NEK1: variants seen among roughly 807,000 people sequenced by gnomAD.
NEK1 encodes serine/threonine-protein kinase Nek1.
NEK1 carries 137 observed loss-of-function variants against 182.1 expected under a neutral mutation model. The ratio of observed to expected loss-of-function variants is 0.75; its 90% CI spans 0.65 to 0.87. The LOEUF (loss-of-function observed/expected upper bound fraction) is 0.87. Ranked by LOEUF, NEK1 falls within the 40% of genes least tolerant of loss-of-function variation. The pLI, the probability that NEK1 is intolerant of heterozygous loss-of-function variation, is 0.00. For synonymous variants in NEK1, 513 were observed against 492.2 expected (o/e 1.04, Z -0.56); for missense variants, 1,391 against 1,494.4 (o/e 0.93, Z 1.14).
At chr4:169,496,380 T>A (rs1229324123) in intron 23 of NEK1, among the ~76,000 whole-genome samples, 25 of 151,250 alleles carry the variant, frequency 1.7e-4, no homozygotes, top group Non-Finnish European at 3.2e-4. Flanking sequence ...CTTTTCCTAA[T>A]TGAATACCCT....
chr4:169,421,989 G>T (rs572548855), intron 31 of NEK1, among the ~76,000 whole-genome samples: 88 of 152,308 alleles, frequency 5.8e-4, no homozygotes, highest in Middle Eastern at 3.4e-3. Context: ...CAGCAGTGGA[G>T]ACAGAAGAGT....
chr4:169,559,589 T>C (rs1427348280), intron 16 of NEK1, among the ~76,000 whole-genome samples: 2 of 152,240 alleles, frequency 1.3e-5, no homozygotes, highest in African/African-American at 4.8e-5. Flanking sequence ...AACAAACTTT[T>C]ATTCAAATTA....
At chr4:169,524,059 A>C (rs1384159998) in intron 19 of NEK1, among the ~76,000 whole-genome samples, 4 of 152,240 alleles carry the variant, frequency 2.6e-5, no homozygotes, top group Admixed American at 1.3e-4. Flanking sequence ...ATAACCAAGA[A>C]AAACTCTTGC....
chr4:169,548,845 A>G (rs1760956981), intron 18 of NEK1, among the ~76,000 whole-genome samples: 1 of 152,200 alleles, frequency 6.6e-6, no homozygotes, highest in Non-Finnish European at 1.5e-5. Context: ...TCCCAGGTAG[A>G]GTTCAGACTG....
rs551259813 is a variant in NEK1 at position 169,561,751 on chromosome 4, A to G, written c.1141-14T>C. ...TAAACTAATAATCTGTAACAATTTT[A>G]AAGACAAGCTTCTTACAACTCTTGA... On this transcript the variant is annotated splice_polypyrimidine_tract_variant and intron_variant, in intron 14 of 35. Coordinates refer to ENST00000507142, the MANE Select transcript of NEK1 (RefSeq NM_001199397.3). The G allele has an allele frequency of 1.6e-4, 250 of 1,587,420 alleles. 2 individuals carry two copies. In the South Asian group the frequency reaches 2.6e-3, roughly 16 times the overall value.
intron 18 of NEK1, among the ~76,000 whole-genome samples, chr4:169,549,959 T>G (rs1761167918): frequency 2.0e-5 from 3 of 152,186 alleles, no homozygotes; most frequent in Admixed American, 1.3e-4. Context: ...TGATCTCAAG[T>G]GATCTGCCCA....
chr4:169,467,318 T>C (rs900783881), intron 26 of NEK1, among the ~76,000 whole-genome samples: 11 of 152,042 alleles, frequency 7.2e-5, no homozygotes, highest in African/African-American at 2.7e-4. Flanking sequence ...CCAACCCCCG[T>C]ATTATTCAAG....
In NEK1 at chr4:169,430,476, G is replaced by C. The variant is rs536318729; in HGVS notation, c.2885+3069C>G. 2.0e-5 allele frequency among the ~76,000 whole-genome samples: 3 copies of C among 152,120 alleles called. No homozygotes were observed. In the East Asian group the frequency reaches 5.8e-4, roughly 29 times the overall value. ...CTGGGATTACAGGTGTAAGCCACTG[G>C]GCACATACTGCTAAGCAAAAGGGGC... On this transcript the variant is annotated intron_variant, in intron 29 of 35. Transcript: ENST00000507142.
intron 18 of NEK1, among the ~76,000 whole-genome samples, chr4:169,545,088 A>T (rs1760172616): frequency 7.0e-6 from 1 of 141,998 alleles, no homozygotes. Flanking sequence ...GTTTTAGGGT[A>T]CATGTGCACA....
At position 169,479,509 on chromosome 4, in the gene NEK1, G is replaced by C. The variant is rs200169770; in HGVS notation, c.2033C>G (p.Ser678Cys). The C allele has an allele frequency of 1.9e-6, 3 of 1,609,114 alleles. No homozygotes were observed. The highest frequency in any genetic ancestry group is 1.3e-5 in the African/African-American group (1 of 74,782). ...EHLVAKGVKS[S>C]DVSPPLGQHE... is the part of the protein sequence containing the mutation. ...CTGTCCCAAAGGTGGAGAAACATCAGAACTCTTAACTCCTTTAGCCACCAA... is the reference window on the plus strand; with the variant it reads ...CTGTCCCAAAGGTGGAGAAACATCACAACTCTTAACTCCTTTAGCCACCAA... The change falls in exon 24 of 36, where the codon TCT (serine) becomes TGT (cysteine). Residue 678 changes from serine (S) to cysteine (C), a missense_variant. By Grantham distance (112) the Ser-to-Cys change is moderately radical. Around this residue, in one of 5 missense-constraint regions of NEK1, gnomAD observed 1,216 missense variants for 1,277.6 expected, o/e 0.95. Transcript: ENST00000507142.
At chr4:169,437,494 C>T (rs1304183017) in intron 28 of NEK1, among the ~76,000 whole-genome samples, 1 of 152,156 alleles carries the variant, frequency 6.6e-6, no homozygotes, top group African/African-American at 2.4e-5. Flanking sequence ...TGTTTGCCCT[C>T]CCTTTGAATC....
chr4:169,487,077 A>G (rs970084301), intron 23 of NEK1, among the ~76,000 whole-genome samples: 3 of 152,206 alleles, frequency 2.0e-5, no homozygotes, highest in African/African-American at 7.2e-5. Flanking sequence ...TACAATTTTT[A>G]TCATTAAATA....
intron 35 of NEK1, among the ~76,000 whole-genome samples, chr4:169,397,882 C>T (rs989543304): frequency 6.6e-6 from 1 of 152,116 alleles, no homozygotes; most frequent in Non-Finnish European, 1.5e-5. Flanking sequence ...AAAACTGAAC[C>T]CCAAGCACAT....
intron 27 of NEK1, among the ~76,000 whole-genome samples, chr4:169,458,825 C>G (rs901595968): frequency 1.7e-5 from 2 of 118,960 alleles, no homozygotes; most frequent in African/African-American, 8.8e-5. Flanking sequence ...GAGACCCCAT[C>G]TCAAAAAAAA....
chr4:169,560,378 C>A (rs909625360), intron 16 of NEK1, among the ~76,000 whole-genome samples: 5 of 152,184 alleles, frequency 3.3e-5, no homozygotes, highest in African/African-American at 1.2e-4. Flanking sequence ...TGTTTTGCCA[C>A]ATGAATGTTT....
intron 5 of NEK1, among the ~76,000 whole-genome samples, chr4:169,595,490 T>C (rs962350907): frequency 2.0e-5 from 3 of 152,216 alleles, no homozygotes; most frequent in African/African-American, 4.8e-5. Flanking sequence ...GTAATTTTCA[T>C]GGGTTCGATA....
intron 22 of NEK1, 49 bp from the exon 23 acceptor site, chr4:169,507,181 A>ATTT: frequency 1.3e-6 from 1 of 749,364 alleles, no homozygotes; most frequent in Non-Finnish European, 2.0e-6. Flanking sequence ...AGAAGGGCAG[A>ATTT]GGTTTTTTTT....
At chr4:169,512,985 GTTTTGA>G (rs1754434340) in intron 19 of NEK1, among the ~76,000 whole-genome samples, 1 of 152,072 alleles carries the variant, frequency 6.6e-6, no homozygotes, top group African/African-American at 2.4e-5. Flanking sequence ...CTACTATACT[GTTTTGA>G]TTACTGTAGC....
intron 26 of NEK1, among the ~76,000 whole-genome samples, chr4:169,467,858 C>A (rs1030927456): frequency 6.6e-6 from 1 of 151,954 alleles, no homozygotes. Flanking sequence ...AATCCAATCA[C>A]ATTAATAATC....
Sources: allele counts gnomAD v4.1 joint callset (sites outside exome capture counted in the v4.1 genomes callset), GRCh38; gene constraint gnomAD v4.1.1; regional missense constraint gnomAD v4.1.1; transcripts MANE v1.5; gene names NCBI Gene and HGNC (gene_info 2026-07-23, HGNC 2026-07-21).